The following GATA6 variants were observed in gnomAD, a reference collection of about 807,000 sequenced individuals.
The protein encoded by GATA6 is GATA binding protein 6.
A neutral mutation model predicts 48.1 loss-of-function variants in GATA6; 11 were observed. That is an observed-to-expected ratio of 0.23 (90% CI 0.14 to 0.38). GATA6 has a LOEUF of 0.38. Ranked by LOEUF, GATA6 falls within the 10% of genes least tolerant of loss-of-function variation. The pLI is 1.00. For missense variants in GATA6, 795 were observed against 850.3 expected, an observed-to-expected ratio of 0.93 and a Z score of 0.81; for synonymous variants, 419 against 396.1, an observed-to-expected ratio of 1.06 and a Z score of -0.69.
intron 6 of GATA6, among the ~76,000 whole-genome samples, chr18:22,199,025 G>A (rs766164628): frequency 6.6e-6 from 1 of 152,118 alleles, no homozygotes; most frequent in Non-Finnish European, 1.5e-5. Context: ...CCTGTGGAGG[G>A]GTCGGGTTTG....
chr18:22,199,214 T>A (rs2033427053), intron 6 of GATA6, among the ~76,000 whole-genome samples: 1 of 152,186 alleles, frequency 6.6e-6, no homozygotes, highest in Non-Finnish European at 1.5e-5. Flanking sequence ...TCGGCACACT[T>A]CCTTTCTGTT....
chr18:22,171,378 G>A lies in GATA6; in HGVS notation c.234G>A (p.Leu78=). ...EAAAGPPARS[L]LLSSYASHPF... is the part of the protein sequence containing the mutation. ...CGGCCGGACCCCCGGCCCGCTCGCT[G>A]CTGCTCAGTTCCTACGCTTCGCATC... Residue 78 remains leucine (L), a synonymous_variant, in exon 2 of 7, where the codon CTG becomes CTA. Transcript: ENST00000269216. This position sits in a 1 kb window ranked among gnomAD's most constrained non-coding sequence, Gnocchi z 7.1. 7.6e-6 allele frequency: 12 copies of A among 1,586,618 alleles called. No individual in the cohort carries two copies. The highest frequency in any genetic ancestry group is 9.4e-6 in the Non-Finnish European group (11 of 1,174,268).
intron 4 of GATA6, 93 bp from the exon 5 acceptor site, chr18:22,182,664 T>A: frequency 1.1e-6 from 1 of 942,412 alleles, no homozygotes; most frequent in Non-Finnish European, 1.7e-6. Flanking sequence ...GGCCGCCAAA[T>A]TCTTTTAAAT....
rs909203741 is a variant in GATA6, at chr18:22,170,602, G to A, written c.-37-506G>A. ...TTCGGGGACAGGTTGCCTTCCTTAC[G>A]CGAAGGGTTTTCCCGTGGGGAACCC... On this transcript the variant is annotated intron_variant, in intron 1 of 6. Transcript: ENST00000269216. This position sits in a 1 kb window ranked among gnomAD's most constrained non-coding sequence, Gnocchi z 6.7. 2.0e-5 allele frequency among the ~76,000 whole-genome samples: 3 copies of A among 152,222 alleles called. No homozygotes were observed. Among genetic ancestry groups the A allele is most frequent in the Non-Finnish European group, 4.4e-5 (3 of 68,044 alleles).
At position 22,171,286 on chromosome 18, in the gene GATA6, CG is replaced by C; in HGVS notation, c.146del (p.Gly49AlafsTer88). On this transcript the variant is annotated frameshift_variant, in exon 2 of 7. Coordinates refer to ENST00000269216, the MANE Select transcript of GATA6 (RefSeq NM_005257.6). LOFTEE classifies it high-confidence loss of function. This position sits in a 1 kb window ranked among gnomAD's most constrained non-coding sequence, Gnocchi z 7.1. ...PISSSSSSCSRGGERGPGGAS... is the reference protein window; with the variant it reads ...PISSSSSSCSXGGERGPGGAS... ...CTCTTCCTCGTCCTCCTCCTGCTCC[CG>C]GGGCGGAGAGCGGGGCCCCGGCGGC... The C allele has an allele frequency of 6.3e-7, 1 of 1,594,230 alleles. No individual in the cohort carries two copies.
intron 2 of GATA6, 46 bp from the exon 3 acceptor site, chr18:22,176,909 G>A (rs557770856): frequency 1.3e-4 from 202 of 1,517,528 alleles, no homozygotes; most frequent in Non-Finnish European, 1.7e-4. Context: ...GGGAGGGACG[G>A]GTCCGGCGCG....
chr18:22,190,314 C>T (rs1259243995), intron 6 of GATA6, among the ~76,000 whole-genome samples: 1 of 152,040 alleles, frequency 6.6e-6, no homozygotes, highest in African/African-American at 2.4e-5. Context: ...TGTTGACATA[C>T]CTAATGTGGT....
chr18:22,181,458 A>G lies in GATA6; in HGVS notation c.1308A>G (p.Ser436=). The G allele has an allele frequency of 6.2e-7, 1 of 1,614,192 alleles. No individual in the cohort carries two copies. The highest frequency in any genetic ancestry group is 8.5e-7 in the Non-Finnish European group (1 of 1,180,032). ...PLIKPQKRVP[S]SRRLGLSCAN... ...TGTTCTTGTACTGTTTCTAGCCTTC[A>G]TCACGGCGGCTTGGATTGTCCTGTG... The change falls in exon 4 of 7, where the codon TCA becomes TCG. Residue 436 remains serine (S), a synonymous_variant. Coordinates refer to ENST00000269216, the MANE Select transcript of GATA6 (RefSeq NM_005257.6).
intron 6 of GATA6, among the ~76,000 whole-genome samples, chr18:22,195,587 A>C (rs1171849809): frequency 6.6e-6 from 1 of 152,218 alleles, no homozygotes; most frequent in Non-Finnish European, 1.5e-5. Context: ...AAATATTCAA[A>C]GAAAGGTATA....
intron 6 of GATA6, among the ~76,000 whole-genome samples, chr18:22,194,177 A>G (rs1336960138): frequency 6.6e-6 from 1 of 152,114 alleles, no homozygotes; most frequent in Non-Finnish European, 1.5e-5. Context: ...CTCTCCCTGA[A>G]GTCATTTACT....
At chr18:22,186,579 C>T (rs754607593) in intron 6 of GATA6, among the ~76,000 whole-genome samples, 4 of 152,130 alleles carry the variant, frequency 2.6e-5, no homozygotes, top group Non-Finnish European at 4.4e-5. Flanking sequence ...ACACAGAGTC[C>T]TGAGCTCTCT....
At chr18:22,199,874 G>A (rs1014285300) in intron 6 of GATA6, among the ~76,000 whole-genome samples, 1 of 137,630 alleles carries the variant, frequency 7.3e-6, no homozygotes, top group Admixed American at 7.9e-5. Flanking sequence ...CTGTACTCCA[G>A]CCTGGGAGAC....
chr18:22,200,748 C>T lies in GATA6; in HGVS notation c.1713C>T (p.Gly571=), dbSNP rs888972760. ...CGGGTCAAGATGGGCTCTACATAGG[C>T]GTCAGTCTCGCCTCGCCGGCCGAAG... ...KYSGQDGLYI[G]VSLASPAEVT... The change falls in exon 7 of 7, where the codon GGC becomes GGT. Residue 571 remains glycine (G), a synonymous_variant. Transcript: ENST00000269216. The T allele has an allele frequency of 1.2e-6, 2 of 1,614,144 alleles. No individual in the cohort carries two copies. The highest frequency in any genetic ancestry group is 8.5e-7 in the Non-Finnish European group (1 of 1,180,044).
In GATA6 at chr18:22,197,126, C is replaced by T. The variant is rs1212835735; in HGVS notation, c.1621-3530C>T. ...TGGAGTTTCACTTTTGTTGCCCAGACTGGAGTGCAATGGTGCAATCTCGGC... is the reference window on the plus strand; with the variant it reads ...TGGAGTTTCACTTTTGTTGCCCAGATTGGAGTGCAATGGTGCAATCTCGGC... On this transcript the variant is annotated intron_variant, in intron 6 of 6. Transcript: ENST00000269216. Among the ~76,000 whole-genome samples, 5 of 140,162 alleles carry T rather than the reference C, an allele frequency of 3.6e-5. No individual in the cohort carries two copies. The East Asian group carries it at 1.0e-3, about 29-fold the overall frequency. 92.0% of individuals were successfully genotyped at this position (140,162 alleles called of 152,430 possible). A position where few individuals can be genotyped will look rare whatever the true frequency, so the allele number is the denominator to read the frequency against.
intron 3 of GATA6, among the ~76,000 whole-genome samples, chr18:22,180,732 TGTACTTTCAAAGTTTCCATTAAC>T (rs1351472610): frequency 1.4e-5 from 2 of 140,562 alleles, no homozygotes; most frequent in Admixed American, 6.8e-5. Flanking sequence ...TTTCTAATAA[TGTACTTTCAAAGTTTCCATTAAC>T]GTACTTTCAA....
chr18:22,200,086 C>A (rs568860614), intron 6 of GATA6, among the ~76,000 whole-genome samples: 1 of 152,068 alleles, frequency 6.6e-6, no homozygotes, highest in East Asian at 1.9e-4. Flanking sequence ...AGTCAATGTT[C>A]AAAAATTTCA....
In GATA6 at chr18:22,200,644, C is replaced by G. The variant is rs1160333956; in HGVS notation, c.1621-12C>G. On this transcript the variant is annotated splice_polypyrimidine_tract_variant and intron_variant, in intron 6 of 6. Coordinates refer to ENST00000269216, the MANE Select transcript of GATA6 (RefSeq NM_005257.6). ...CTTCTCGTCTCTCCTCTGTGTCCCCCTCTTCTGCCAGGCGGGTGCCCCGGT... is the reference window on the plus strand; with the variant it reads ...CTTCTCGTCTCTCCTCTGTGTCCCCGTCTTCTGCCAGGCGGGTGCCCCGGT... The G allele has an allele frequency of 6.2e-7, 1 of 1,614,160 alleles. No homozygotes were observed. Among genetic ancestry groups the G allele is most frequent in the Non-Finnish European group, 8.5e-7 (1 of 1,180,054 alleles).
At chr18:22,181,142 T>C (rs1489783527) in intron 3 of GATA6, among the ~76,000 whole-genome samples, 1 of 152,154 alleles carries the variant, frequency 6.6e-6, no homozygotes, top group Non-Finnish European at 1.5e-5. Context: ...GATATGATGC[T>C]GGTAAAAGCT....
Position 22,201,450 on chromosome 18 carries a change from C to G in GATA6, c.*627C>G, listed in dbSNP as rs1416602259. ...GGGTAGCAAACAAGATATTTTTCTTCCATGTATACAATAATTTTTTTAAAA... is the reference window on the plus strand; with the variant it reads ...GGGTAGCAAACAAGATATTTTTCTTGCATGTATACAATAATTTTTTTAAAA... On this transcript the variant is annotated 3_prime_UTR_variant, in exon 7 of 7. Coordinates refer to ENST00000269216, the MANE Select transcript of GATA6 (RefSeq NM_005257.6). 6.5e-6 allele frequency: 1 copy of G among 152,992 alleles called. No individual in the cohort carries two copies. Among genetic ancestry groups the G allele is most frequent in the African/African-American group, 2.4e-5 (1 of 41,452 alleles). 9.5% of individuals were successfully genotyped at this position (152,992 alleles called of 1,614,324 possible).
Sources: allele counts gnomAD v4.1 joint callset (sites outside exome capture counted in the v4.1 genomes callset), GRCh38; gene constraint gnomAD v4.1.1; non-coding constraint Gnocchi (gnomAD v3.1); transcripts MANE v1.5; gene names NCBI Gene and HGNC (gene_info 2026-07-23, HGNC 2026-07-21).